ZNF423: variants seen among roughly 807,000 people sequenced by gnomAD.
The protein encoded by ZNF423 is zinc finger protein 423.
ZNF423 carries 12 observed loss-of-function variants against 95.8 expected under a neutral mutation model. The observed-to-expected ratio is 0.13, with a 90% CI of 0.08 to 0.20. The LOEUF is 0.20. Ranked by LOEUF, ZNF423 falls within the 10% of genes least tolerant of loss-of-function variation. The pLI is 1.00. For synonymous variants in ZNF423, 749 were observed against 711.9 expected, an observed-to-expected ratio of 1.05 and a Z score of -0.83; for missense variants, 1,316 against 1,737.1, an observed-to-expected ratio of 0.76 and a Z score of 4.31.
At chr16:49,718,179 G>A (rs2032762814) in intron 3 of ZNF423, among the ~76,000 whole-genome samples, 1 of 152,160 alleles carries the variant, frequency 6.6e-6, no homozygotes, top group Non-Finnish European at 1.5e-5. Context: ...TCAGTACTTT[G>A]GGAGGCCAAG....
At chr16:49,626,556 A>G (rs990101706) in intron 4 of ZNF423, among the ~76,000 whole-genome samples, 4 of 152,022 alleles carry the variant, frequency 2.6e-5, no homozygotes, top group Non-Finnish European at 5.9e-5. Flanking sequence ...AAATCCATCT[A>G]CCCATGCCCC....
At chr16:49,534,248 G>GT (rs11322462) in intron 5 of ZNF423, among the ~76,000 whole-genome samples, 6 of 142,738 alleles carry the variant, frequency 4.2e-5, no homozygotes, top group Non-Finnish European at 7.7e-5. Context: ...CTTTTTTTTT[G>GT]TTTTTTTTTT....
chr16:49,656,403 C>A (rs190001792), intron 3 of ZNF423, among the ~76,000 whole-genome samples: 55 of 151,742 alleles, frequency 3.6e-4, no homozygotes, highest in Non-Finnish European at 5.6e-4. Context: ...CCCAATTACT[C>A]GGGAGGCTAA....
At chr16:49,732,489 A>G (rs1449012489) in intron 2 of ZNF423, among the ~76,000 whole-genome samples, 8 of 152,242 alleles carry the variant, frequency 5.3e-5, no homozygotes. Context: ...ACTGATTTAA[A>G]TCAAAGAAAG....
intron 3 of ZNF423, among the ~76,000 whole-genome samples, chr16:49,704,552 G>A (rs959150932): frequency 1.4e-4 from 21 of 152,232 alleles, no homozygotes; most frequent in Non-Finnish European, 2.2e-4. Flanking sequence ...CTCTGTGAGA[G>A]CAGGAACCAG....
intron 5 of ZNF423, among the ~76,000 whole-genome samples, chr16:49,564,838 C>T (rs1317105284): frequency 6.6e-6 from 1 of 152,212 alleles, no homozygotes; most frequent in Admixed American, 6.5e-5. Flanking sequence ...TCCCTGGCCC[C>T]AGAAATCACA....
At chr16:49,691,250 C>A (rs957667573) in intron 3 of ZNF423, among the ~76,000 whole-genome samples, 2 of 152,258 alleles carry the variant, frequency 1.3e-5, no homozygotes, top group Non-Finnish European at 2.9e-5. Flanking sequence ...TATGCCCCCT[C>A]CCAGTTGGGA....
chr16:49,510,993 G>A (rs546124092), intron 7 of ZNF423, among the ~76,000 whole-genome samples: 3 of 152,348 alleles, frequency 2.0e-5, no homozygotes, highest in African/African-American at 7.2e-5. Flanking sequence ...CGGGCAGCCG[G>A]AGGCTGATTC....
At chr16:49,829,215 C>T (rs748656714) in intron 1 of ZNF423, among the ~76,000 whole-genome samples, 10 of 152,184 alleles carry the variant, frequency 6.6e-5, no homozygotes, top group Non-Finnish European at 1.5e-4. Flanking sequence ...TGTAGAATGA[C>T]CAACTGGCTC....
intron 7 of ZNF423, among the ~76,000 whole-genome samples, chr16:49,493,262 T>G (rs1189575404): frequency 1.3e-5 from 2 of 152,128 alleles, no homozygotes; most frequent in African/African-American, 4.8e-5. Context: ...CCAACCAAGC[T>G]GCTCTTTGAG....
chr16:49,623,616 AC>A lies in ZNF423; in HGVS notation c.3601+2553del, dbSNP rs768634284. Among the ~76,000 whole-genome samples, 91 of 152,368 alleles carry A rather than the reference AC, an allele frequency of 6.0e-4. 2 individuals are homozygous for A. The highest frequency in any genetic ancestry group is 2.6e-4 in the Admixed American group (4 of 15,304). On this transcript the variant is annotated intron_variant, in intron 5 of 7. Transcript: ENST00000563137. Reference sequence around the variant, plus strand: ...GTGAAAGGACTCTCAGCAGCCAGTGACTGACAGGGGAGTGCCCCTTCTTATC... The same window carrying A: ...GTGAAAGGACTCTCAGCAGCCAGTGATGACAGGGGAGTGCCCCTTCTTATC...
At chr16:49,532,340 C>T (rs556079607) in intron 5 of ZNF423, among the ~76,000 whole-genome samples, 20 of 152,154 alleles carry the variant, frequency 1.3e-4, no homozygotes, top group Admixed American at 6.5e-5. Context: ...CACTCAAGAC[C>T]GCTCAGCCAT....
chr16:49,600,451 G>A (rs564559842), intron 5 of ZNF423, among the ~76,000 whole-genome samples: 1 of 152,222 alleles, frequency 6.6e-6, no homozygotes, highest in East Asian at 1.9e-4. Context: ...AGCCCTGCAG[G>A]AAGACACCCC....
At position 49,636,120 on chromosome 16, in the gene ZNF423, G is replaced by A; in HGVS notation, c.3056C>T (p.Pro1019Leu). ...GCCCGTGAGTGAGTTGCGCAGGTCA[G>A]GGTGCATCTGGCAGTGCTCAATAAA... ...EEFIEHCQMHPDLRNSLTGFR... is the reference protein window; with the variant it reads ...EEFIEHCQMHLDLRNSLTGFR... Residue 1019 changes from proline to leucine, a missense_variant, in exon 4 of 8, where the codon CCT becomes CTT. Around this residue, in one of 6 missense-constraint regions of ZNF423, gnomAD observed 620 missense variants for 775.6 expected, o/e 0.80. Transcript: ENST00000563137. This position sits in a 1 kb window ranked among gnomAD's most constrained non-coding sequence, Gnocchi z 8.6. 6.2e-7 allele frequency: 1 copy of A among 1,613,944 alleles called. No individual in the cohort carries two copies. Among genetic ancestry groups the A allele is most frequent in the Non-Finnish European group, 8.5e-7 (1 of 1,180,038 alleles).
At chr16:49,620,822 T>A (rs1972051107) in intron 5 of ZNF423, among the ~76,000 whole-genome samples, 1 of 152,030 alleles carries the variant, frequency 6.6e-6, no homozygotes, top group Non-Finnish European at 1.5e-5. Context: ...AAGTAAGGCC[T>A]CTCCAGCAAA....
At chr16:49,495,731 G>C (rs916621804) in intron 7 of ZNF423, among the ~76,000 whole-genome samples, 7 of 152,166 alleles carry the variant, frequency 4.6e-5, no homozygotes, top group Non-Finnish European at 1.0e-4. Context: ...GGTTCAGCTG[G>C]GGTCTGATGC....
chr16:49,566,771 C>T (rs1339078278), intron 5 of ZNF423, among the ~76,000 whole-genome samples: 2 of 152,014 alleles, frequency 1.3e-5, no homozygotes, highest in African/African-American at 4.8e-5. Flanking sequence ...GCGGGCAGCG[C>T]GGGGAGGTGG....
chr16:49,507,586 GC>G (rs1967696123), intron 7 of ZNF423, among the ~76,000 whole-genome samples: 1 of 152,068 alleles, frequency 6.6e-6, no homozygotes, highest in Non-Finnish European at 1.5e-5. Context: ...AGCCTCACTT[GC>G]CTCCTCCGCT....
At chr16:49,842,299 GAGGGGAGGCGAGGGAAGGGA>G (rs2035193123) in intron 1 of ZNF423, among the ~76,000 whole-genome samples, 1 of 48,164 alleles carries the variant, frequency 2.1e-5, no homozygotes, top group Non-Finnish European at 4.2e-5. Flanking sequence ...GAGGGGAGGG[GAGGGGAGGCGAGGGAAGGGA>G]AGGGAAGGGA....
Sources: allele counts gnomAD v4.1 joint callset (sites outside exome capture counted in the v4.1 genomes callset), GRCh38; gene constraint gnomAD v4.1.1; regional missense constraint gnomAD v4.1.1; non-coding constraint Gnocchi (gnomAD v3.1); transcripts MANE v1.5; gene names NCBI Gene and HGNC (gene_info 2026-07-23, HGNC 2026-07-21).